SIPA1L1: variants seen among roughly 807,000 people sequenced by gnomAD.
SIPA1L1 encodes the protein signal induced proliferation associated 1 like 1.
In SIPA1L1, 26 loss-of-function variants were observed where a neutral mutation model predicts 162.7. The ratio of observed to expected loss-of-function variants is 0.16; its 90% CI spans 0.12 to 0.22. SIPA1L1 has a LOEUF of 0.22. Among genes scored for constraint, SIPA1L1 ranks in the 10% least tolerant of loss-of-function variants. SIPA1L1 has a pLI of 1.00. For synonymous variants in SIPA1L1, 829 were observed against 837.4 expected, an observed-to-expected ratio of 0.99 and a Z score of 0.17; for missense variants, 1,874 against 2,241.0, an observed-to-expected ratio of 0.84 and a Z score of 3.31.
chr14:71,651,494 A>G (rs1403836938), intron 8 of SIPA1L1, among the ~76,000 whole-genome samples: 2 of 152,234 alleles, frequency 1.3e-5, no homozygotes, highest in Non-Finnish European at 1.5e-5. Context: ...ACCCATAAAT[A>G]GCCTAGCTGC....
At chr14:71,612,219 A>T (rs1056691323) in intron 5 of SIPA1L1, among the ~76,000 whole-genome samples, 1 of 152,140 alleles carries the variant, frequency 6.6e-6, no homozygotes, top group Non-Finnish European at 1.5e-5. Context: ...TAAGATTTGG[A>T]TGTGAACATT....
intron 2 of SIPA1L1, among the ~76,000 whole-genome samples, chr14:71,324,555 C>T (rs558381957): frequency 5.9e-5 from 9 of 152,168 alleles, no homozygotes; most frequent in African/African-American, 1.9e-4. Flanking sequence ...CATTGGTAAC[C>T]GAGCTTCATA....
intron 4 of SIPA1L1, among the ~76,000 whole-genome samples, chr14:71,563,294 T>C (rs1156475185): frequency 2.0e-5 from 3 of 152,050 alleles, no homozygotes; most frequent in Non-Finnish European, 4.4e-5. Context: ...AACTTGACAA[T>C]AATAGTACCT....
chr14:71,350,362 C>T (rs556151325), intron 2 of SIPA1L1, among the ~76,000 whole-genome samples: 8 of 151,946 alleles, frequency 5.3e-5, no homozygotes, highest in African/African-American at 7.3e-5. Flanking sequence ...GAGCCGAGAT[C>T]GCACCACTGC....
chr14:71,509,022 G>T (rs1282985964), intron 2 of SIPA1L1, among the ~76,000 whole-genome samples: 1 of 152,216 alleles, frequency 6.6e-6, no homozygotes, highest in East Asian at 1.9e-4. Context: ...TCCAAGGCCT[G>T]CTGCTTCTCC....
chr14:71,676,118 C>A (rs1472565565), intron 12 of SIPA1L1, among the ~76,000 whole-genome samples: 1 of 147,438 alleles, frequency 6.8e-6, no homozygotes, highest in Admixed American at 6.7e-5. Context: ...GATTCACCAG[C>A]CTTCTCTACT....
chr14:71,597,620 C>A (rs756826146), intron 5 of SIPA1L1, among the ~76,000 whole-genome samples: 1 of 152,134 alleles, frequency 6.6e-6, no homozygotes, highest in African/African-American at 2.4e-5. Flanking sequence ...TCAGGCTGCA[C>A]GATAGAAACC....
intron 3 of SIPA1L1, among the ~76,000 whole-genome samples, chr14:71,522,612 G>A (rs562804976): frequency 1.3e-5 from 2 of 152,128 alleles, no homozygotes; most frequent in East Asian, 1.9e-4. Flanking sequence ...CAGATTTTCC[G>A]ATTTGGAATG....
chr14:71,672,262 C>G, intron 11 of SIPA1L1, 86 bp from the exon 12 acceptor site: 1 of 1,386,612 alleles, frequency 7.2e-7, no homozygotes, highest in Non-Finnish European at 1.0e-6. Flanking sequence ...CAGAACTAAC[C>G]CTGCTTGCAA....
chr14:71,684,651 G>T (rs554774690), intron 12 of SIPA1L1, among the ~76,000 whole-genome samples: 3 of 152,174 alleles, frequency 2.0e-5, no homozygotes, highest in East Asian at 3.9e-4. Flanking sequence ...TGGTGGGGGT[G>T]TGAAGCTGCT....
rs115120131 is a variant in SIPA1L1 at position 71,736,038 on chromosome 14, A to G, written c.5123+647A>G. The stretch of plus-strand genomic sequence containing the variant: ...TGTTAAAGCATCCCATCAGTCAGGT[A>G]TGGAACATTTAGTAAGCACTTCTTG... On this transcript the variant is annotated intron_variant, in intron 22 of 23. Transcript: ENST00000381232. Among the ~76,000 whole-genome samples the G allele has an allele frequency of 2.1e-3, 324 of 152,368 alleles. 2 individuals carry two copies. The highest frequency in any genetic ancestry group is 7.3e-3 in the African/African-American group (303 of 41,588).
intron 2 of SIPA1L1, among the ~76,000 whole-genome samples, chr14:71,366,853 G>C (rs2038347228): frequency 6.6e-6 from 1 of 152,194 alleles, no homozygotes; most frequent in Non-Finnish European, 1.5e-5. Flanking sequence ...TTTTTGTAAA[G>C]TATAAAGTGC....
intron 2 of SIPA1L1, chr14:71,497,767 G>A (rs1367347965): frequency 6.6e-6 from 1 of 152,196 alleles, no homozygotes; most frequent in Non-Finnish European, 1.5e-5. Flanking sequence ...CACTTGAGTT[G>A]TTGCCAGTTT....
intron 20 of SIPA1L1, among the ~76,000 whole-genome samples, chr14:71,732,686 A>G (rs1323454442): frequency 6.6e-6 from 1 of 152,232 alleles, no homozygotes; most frequent in East Asian, 1.9e-4. Context: ...AATTGGTCCA[A>G]AGAATAGCTC....
chr14:71,729,476 A>G (rs566143885), intron 19 of SIPA1L1, among the ~76,000 whole-genome samples: 2 of 152,352 alleles, frequency 1.3e-5, no homozygotes, highest in African/African-American at 4.8e-5. Context: ...GTGAGTTAAA[A>G]TATTTTGATG....
At chr14:71,365,963 C>T (rs868416833) in intron 2 of SIPA1L1, among the ~76,000 whole-genome samples, 9 of 148,610 alleles carry the variant, frequency 6.1e-5, no homozygotes, top group African/African-American at 2.2e-4. Flanking sequence ...TGGGCTCAAG[C>T]CGTCCTCCTG....
In SIPA1L1 at chr14:71,588,525, C is replaced by G. The variant is rs1330740149; in HGVS notation, c.653C>G (p.Ser218Cys). The G allele has an allele frequency of 3.1e-6, 5 of 1,614,012 alleles. No individual in the cohort carries two copies. Among genetic ancestry groups the G allele is most frequent in the Admixed American group, 1.7e-5 (1 of 59,998 alleles). ...STSSIDKQGT[S>C]GESFFDLLKG... ...TCTTCAATTGATAAACAGGGAACAT[C>G]TGGAGAAAGCTTTTTTGATTTGTTA... The change falls in exon 5 of 24, where the codon TCT becomes TGT. Residue 218 changes from serine (S) to cysteine (C), a missense_variant. Around this residue, in one of 5 missense-constraint regions of SIPA1L1, gnomAD observed 685 missense variants for 828.0 expected, o/e 0.83. Transcript: ENST00000381232. This position sits in a 1 kb window ranked among gnomAD's most constrained non-coding sequence, Gnocchi z 4.3.
At chr14:71,566,754 G>T in intron 4 of SIPA1L1, among the ~76,000 whole-genome samples, 1 of 152,108 alleles carries the variant, frequency 6.6e-6, no homozygotes, top group East Asian at 1.9e-4. Flanking sequence ...AGAAAATATG[G>T]GAAGACATCT....
chr14:71,554,539 C>G (rs1016437237), intron 4 of SIPA1L1, among the ~76,000 whole-genome samples: 2 of 152,166 alleles, frequency 1.3e-5, no homozygotes, highest in Non-Finnish European at 2.9e-5. Context: ...TCTCAGCATT[C>G]TTGAGTAACA....
Sources: allele counts gnomAD v4.1 joint callset (sites outside exome capture counted in the v4.1 genomes callset), GRCh38; gene constraint gnomAD v4.1.1; regional missense constraint gnomAD v4.1.1; non-coding constraint Gnocchi (gnomAD v3.1); transcripts MANE v1.5; gene names NCBI Gene and HGNC (gene_info 2026-07-23, HGNC 2026-07-21).